Variants in RBFOX1 observed in about 807,000 individuals in gnomAD.
The protein encoded by RBFOX1 is RNA binding protein fox-1 homolog 1.
In RBFOX1, 8 loss-of-function variants were observed where a neutral mutation model predicts 57.7. That is an observed-to-expected ratio of 0.14 (90% confidence interval 0.08 to 0.25). The LOEUF is 0.25. Ranked by LOEUF, RBFOX1 falls within the 10% of genes least tolerant of loss-of-function variation. RBFOX1 has a pLI of 1.00. For missense variants in RBFOX1, 611 were observed against 548.5 expected, an observed-to-expected ratio of 1.11 and a Z score of -1.14; for synonymous variants, 326 against 222.4, an observed-to-expected ratio of 1.47 and a Z score of -4.15.
At chr16:6,682,800 C>T (rs1177243963) in intron 3 of RBFOX1, among the ~76,000 whole-genome samples, 1 of 146,206 alleles carries the variant, frequency 6.8e-6, no homozygotes, top group Non-Finnish European at 1.5e-5. Flanking sequence ...AGTTTATTTT[C>T]AGATAGCTTA....
At chr16:5,625,010 C>T (rs1314289927) in intron 3 of RBFOX1, among the ~76,000 whole-genome samples, 3 of 152,242 alleles carry the variant, frequency 2.0e-5, no homozygotes, top group Non-Finnish European at 2.9e-5. Flanking sequence ...GAGCCTGGCA[C>T]GAGAGATACC....
intron 1 of RBFOX1, among the ~76,000 whole-genome samples, chr16:5,388,932 C>A (rs1006189014): frequency 6.6e-6 from 1 of 151,078 alleles, no homozygotes; most frequent in African/African-American, 2.4e-5. Flanking sequence ...TGGCTCACAC[C>A]TGTAATCCCA....
intron 1 of RBFOX1, among the ~76,000 whole-genome samples, chr16:5,274,395 C>A (rs559080539): frequency 1.3e-5 from 2 of 152,152 alleles, no homozygotes; most frequent in East Asian, 3.9e-4. Flanking sequence ...CAGGCGTGGT[C>A]GTGGGTGCCT....
At chr16:5,286,982 C>T (rs1274892220) in intron 1 of RBFOX1, among the ~76,000 whole-genome samples, 1 of 152,154 alleles carries the variant, frequency 6.6e-6, no homozygotes, top group Admixed American at 6.5e-5. Context: ...AGAAAGCAAC[C>T]CGCTGTCAGA....
At chr16:5,506,597 G>A (rs56205478) in intron 2 of RBFOX1, among the ~76,000 whole-genome samples, 31,470 of 152,144 alleles carry the variant, frequency 0.21, 3,895 homozygotes, top group Middle Eastern at 0.34. Flanking sequence ...GGAAGTTAAT[G>A]ATAAATTAAA....
chr16:7,287,031 G>A (rs960497679), intron 4 of RBFOX1, among the ~76,000 whole-genome samples: 2 of 152,192 alleles, frequency 1.3e-5, no homozygotes, highest in Admixed American at 1.3e-4. Flanking sequence ...CGTGATAGAA[G>A]CTGTAGGAGT....
intron 3 of RBFOX1, among the ~76,000 whole-genome samples, chr16:5,748,902 T>C (rs540725410): frequency 6.6e-6 from 1 of 152,174 alleles, no homozygotes; most frequent in Non-Finnish European, 1.5e-5. Context: ...TGTGAATTTG[T>C]TCCTGTCATT....
At chr16:6,956,062 C>G (rs905416413) in intron 3 of RBFOX1, among the ~76,000 whole-genome samples, 2 of 152,040 alleles carry the variant, frequency 1.3e-5, no homozygotes, top group African/African-American at 4.8e-5. Flanking sequence ...GAGTTATCTT[C>G]CCTTTAGTGA....
rs368713726 is a variant in RBFOX1 at position 6,603,998 on chromosome 16, G to A, written c.-63-50605G>A. 3.2e-4 allele frequency among the ~76,000 whole-genome samples: 48 copies of A among 152,236 alleles called. No homozygotes were observed. In the South Asian group the frequency reaches 9.4e-3, roughly 30 times the overall value. On this transcript the variant is annotated intron_variant, in intron 2 of 15. Coordinates refer to ENST00000550418, the MANE Select transcript of RBFOX1 (RefSeq NM_018723.4). Reference sequence around the variant, plus strand: ...TTCTTCTCCCAGCCTTGGGGGTTCTGCAGCTAACTGTGGTCCTTTCATGTA... The same window carrying A: ...TTCTTCTCCCAGCCTTGGGGGTTCTACAGCTAACTGTGGTCCTTTCATGTA...
chr16:7,214,243 CAAA>C (rs1390461071), intron 4 of RBFOX1, among the ~76,000 whole-genome samples: 1 of 152,010 alleles, frequency 6.6e-6, no homozygotes, highest in Non-Finnish European at 1.5e-5. Context: ...GTTTTTTTCT[CAAA>C]AGACTTCTGA....
intron 3 of RBFOX1, among the ~76,000 whole-genome samples, chr16:5,807,838 C>G (rs1207698317): frequency 6.6e-6 from 1 of 152,140 alleles, no homozygotes; most frequent in Non-Finnish European, 1.5e-5. Flanking sequence ...CAGGTGATGC[C>G]CACGCTGCTG....
At chr16:5,788,724 C>T (rs533616782) in intron 3 of RBFOX1, among the ~76,000 whole-genome samples, 2 of 152,236 alleles carry the variant, frequency 1.3e-5, no homozygotes, top group South Asian at 4.1e-4. Context: ...GAGTGTAAGA[C>T]ACACACATAC....
Position 5,350,870 on chromosome 16 carries a change from A to AAATCAT in RBFOX1, c.219+110799_219+110804dup, listed in dbSNP as rs60231528. 4.9e-4 allele frequency among the ~76,000 whole-genome samples: 74 copies of AAATCAT among 150,368 alleles called. 1 individual carries two copies. The highest frequency in any genetic ancestry group is 3.0e-3 in the East Asian group (15 of 5,056). ...ACAAAAGTGAAACTCCATCTCAAGA[A>AAATCAT]AATCATAATCATAATCATAATCATA... On this transcript the variant is annotated intron_variant, in intron 1 of 2. Transcript: ENST00000585867.
chr16:7,291,579 A>C (rs1484363190), intron 4 of RBFOX1, among the ~76,000 whole-genome samples: 1 of 152,120 alleles, frequency 6.6e-6, no homozygotes, highest in Non-Finnish European at 1.5e-5. Context: ...AATGGAAGGG[A>C]GGTGCTTCCA....
intron 4 of RBFOX1, among the ~76,000 whole-genome samples, chr16:7,060,371 A>T (rs1342189357): frequency 6.6e-6 from 1 of 152,210 alleles, no homozygotes; most frequent in Non-Finnish European, 1.5e-5. Context: ...CAACAGAGAA[A>T]TCATTCAAAG....
At chr16:5,452,269 C>T (rs918176337) in intron 1 of RBFOX1, among the ~76,000 whole-genome samples, 3 of 151,974 alleles carry the variant, frequency 2.0e-5, no homozygotes, top group Non-Finnish European at 4.4e-5. Context: ...CAGGCATGCA[C>T]CACCACGCCC....
intron 1 of RBFOX1, among the ~76,000 whole-genome samples, chr16:5,336,689 G>C (rs78065784): frequency 6.6e-6 from 1 of 152,172 alleles, no homozygotes; most frequent in Non-Finnish European, 1.5e-5. Flanking sequence ...AAAGAAGAGA[G>C]TGGTCCTTCT....
At chr16:6,010,201 T>C (rs537692573) in intron 4 of RBFOX1, among the ~76,000 whole-genome samples, 4 of 152,134 alleles carry the variant, frequency 2.6e-5, no homozygotes, top group Non-Finnish European at 5.9e-5. Flanking sequence ...ACCTGACAAC[T>C]CTCTTTGGTC....
chr16:7,532,722 T>A (rs2080430314), intron 5 of RBFOX1, among the ~76,000 whole-genome samples: 1 of 152,206 alleles, frequency 6.6e-6, no homozygotes, highest in African/African-American at 2.4e-5. Context: ...GTCAATAAAG[T>A]TTTATTGGAA....
Sources: gnomAD v4.1 joint callset for allele counts (sites outside exome capture counted in the v4.1 genomes callset) on GRCh38, gnomAD v4.1.1 for gene constraint, MANE v1.5 for transcripts, NCBI Gene and HGNC (gene_info 2026-07-23, HGNC 2026-07-21) for gene names.